NTM: variants seen among roughly 807,000 people sequenced by gnomAD.
The protein encoded by NTM is neurotrimin, also known as IgLON family member 2.
A neutral mutation model predicts 42.1 loss-of-function variants in NTM; 13 were observed. That is an observed-to-expected ratio of 0.31 (90% confidence interval 0.20 to 0.49). The LOEUF (loss-of-function observed/expected upper bound fraction) is 0.49, where lower values mean the gene tolerates loss of function less well. Ranked by LOEUF, NTM falls within the 20% of genes least tolerant of loss-of-function variation. NTM has a pLI of 0.99. For missense variants in NTM, 373 were observed against 452.8 expected (o/e 0.82, Z 1.60); for synonymous variants, 187 against 179.2 (o/e 1.04, Z -0.35).
chr11:131,915,912 T>C (rs942157381), intron 2 of NTM, among the ~76,000 whole-genome samples: 7 of 152,200 alleles, frequency 4.6e-5, no homozygotes, highest in African/African-American at 1.7e-4. Context: ...TTATGGGAGC[T>C]ACAATTCAAG....
chr11:132,330,639 T>C lies in NTM; in HGVS notation c.967+454T>C, dbSNP rs564348916. On this transcript the variant is annotated intron_variant, in intron 8 of 8. Coordinates refer to ENST00000683400, the MANE Select transcript of NTM (RefSeq NM_001352005.2). ...GAAGATGGGAGGAAGGGGGAGGTTC[T>C]TGGGTGAGTCACTTGGCTACGAATA... is the stretch of plus-strand genomic sequence containing the variant. 2.6e-5 allele frequency among the ~76,000 whole-genome samples: 4 copies of C among 152,322 alleles called. No individual in the cohort carries two copies. In the South Asian group the frequency reaches 8.3e-4, roughly 32 times the overall value.
intron 1 of NTM, among the ~76,000 whole-genome samples, chr11:131,601,952 G>C (rs1306720549): frequency 6.6e-6 from 1 of 152,048 alleles, no homozygotes; most frequent in Admixed American, 6.5e-5. Flanking sequence ...ACCTAAACAG[G>C]GTGCCATATG....
chr11:132,222,724 A>G (rs1376309315), intron 4 of NTM, among the ~76,000 whole-genome samples: 5 of 151,972 alleles, frequency 3.3e-5, no homozygotes, highest in Non-Finnish European at 5.9e-5. Flanking sequence ...ATTCTACCCA[A>G]CAGTGGTGGG....
At chr11:131,474,158 G>A (rs1420424614) in intron 1 of NTM, among the ~76,000 whole-genome samples, 2 of 152,054 alleles carry the variant, frequency 1.3e-5, no homozygotes, top group African/African-American at 4.8e-5. Flanking sequence ...ATGACCTCCT[G>A]TCCAGCAAAA....
At chr11:131,728,894 A>G (rs1289832097) in intron 1 of NTM, among the ~76,000 whole-genome samples, 1 of 152,176 alleles carries the variant, frequency 6.6e-6, no homozygotes, top group Non-Finnish European at 1.5e-5. Context: ...ACAAAAAGAC[A>G]CCATTTTGGA....
chr11:131,718,370 A>G (rs1340567611), intron 1 of NTM, among the ~76,000 whole-genome samples: 1 of 152,154 alleles, frequency 6.6e-6, no homozygotes, highest in Admixed American at 6.5e-5. Context: ...ACTTTTTTCT[A>G]CAAATTCAAT....
At chr11:131,699,884 A>C (rs1436402720) in intron 1 of NTM, among the ~76,000 whole-genome samples, 1 of 150,310 alleles carries the variant, frequency 6.7e-6, no homozygotes, top group Non-Finnish European at 1.5e-5. Flanking sequence ...GACACAGTCA[A>C]ACCATATCAC....
chr11:131,391,665 A>G (rs34961382), intron 1 of NTM, among the ~76,000 whole-genome samples: 1 of 141,318 alleles, frequency 7.1e-6, no homozygotes, highest in Non-Finnish European at 1.6e-5. Flanking sequence ...AAAAAAAAAG[A>G]AAAGAAAAGA....
At chr11:131,582,755 T>C (rs951100) in intron 1 of NTM, among the ~76,000 whole-genome samples, 129 of 152,276 alleles carry the variant, frequency 8.5e-4, no homozygotes, top group African/African-American at 3.1e-3. Flanking sequence ...GTCCATTACT[T>C]TTCTGTTAGA....
At chr11:132,144,377 G>T (rs1380620073) in intron 2 of NTM, among the ~76,000 whole-genome samples, 1 of 152,182 alleles carries the variant, frequency 6.6e-6, no homozygotes, top group African/African-American at 2.4e-5. Flanking sequence ...AGAAACATGT[G>T]GAGCTGGCTT....
chr11:132,069,974 A>C (rs71485730), intron 2 of NTM, among the ~76,000 whole-genome samples: 6 of 136,960 alleles, frequency 4.4e-5, no homozygotes, highest in African/African-American at 1.8e-4. Flanking sequence ...TAACACGTCA[A>C]ACTGACGATC....
In NTM at chr11:132,043,116, C is replaced by T. The variant is rs186667305; in HGVS notation, c.168-103166C>T. Among the ~76,000 whole-genome samples the T allele has an allele frequency of 9.8e-4, 150 of 152,290 alleles. 1 individual carries two copies. Among genetic ancestry groups the T allele is most frequent in the African/African-American group, 3.4e-3 (140 of 41,560 alleles). ...AATTGAGGAATCCTATTCCATCATT[C>T]TAATGGCCAAGGGATGGGTAGAAGA... On this transcript the variant is annotated intron_variant, in intron 2 of 8. Coordinates refer to ENST00000683400, the MANE Select transcript of NTM (RefSeq NM_001352005.2).
At chr11:132,082,641 G>A (rs1313238262) in intron 2 of NTM, among the ~76,000 whole-genome samples, 1 of 152,180 alleles carries the variant, frequency 6.6e-6, no homozygotes, top group African/African-American at 2.4e-5. Context: ...CTCCCTCTAT[G>A]ATTCCCCCAT....
At position 131,529,536 on chromosome 11, in the gene NTM, C is replaced by T. The variant is rs563347628; in HGVS notation, c.82+158648C>T. On this transcript the variant is annotated intron_variant, in intron 1 of 8. Coordinates refer to ENST00000683400, the MANE Select transcript of NTM (RefSeq NM_001352005.2). The stretch of plus-strand genomic sequence containing the variant: ...GCCCAAGGAAACCAAGAAGGGCCAC[C>T]GGAGTGTCAAGGCTCTCCAGGGAAA... 3.9e-4 allele frequency among the ~76,000 whole-genome samples: 59 copies of T among 152,262 alleles called. 1 individual carries two copies. Among genetic ancestry groups the T allele is most frequent in the Admixed American group, 1.5e-3 (23 of 15,298 alleles).
chr11:131,614,373 G>A (rs374743726), intron 1 of NTM, among the ~76,000 whole-genome samples: 4 of 152,354 alleles, frequency 2.6e-5, no homozygotes, highest in East Asian at 1.9e-4. Flanking sequence ...CACCCTGGCT[G>A]CAGCTCTGTT....
intron 1 of NTM, among the ~76,000 whole-genome samples, chr11:131,600,894 G>C (rs1012117401): frequency 2.0e-5 from 3 of 151,948 alleles, no homozygotes; most frequent in Admixed American, 6.6e-5. Flanking sequence ...GGTCTAATGA[G>C]AAACAGTTCC....
intron 1 of NTM, among the ~76,000 whole-genome samples, chr11:131,419,112 C>A (rs192775960): frequency 2.0e-5 from 3 of 152,052 alleles, no homozygotes; most frequent in African/African-American, 7.2e-5. Flanking sequence ...AAAAATGGCT[C>A]AGCCTACCAT....
intron 2 of NTM, among the ~76,000 whole-genome samples, chr11:132,123,797 G>A (rs1566224814): frequency 1.3e-5 from 2 of 152,078 alleles, no homozygotes; most frequent in Non-Finnish European, 1.5e-5. Flanking sequence ...CGCATGTGCC[G>A]GTTACTGACC....
At chr11:131,423,083 A>T (rs1410968343) in intron 1 of NTM, among the ~76,000 whole-genome samples, 1 of 152,224 alleles carries the variant, frequency 6.6e-6, no homozygotes, top group East Asian at 1.9e-4. Flanking sequence ...CTTTTTAGAA[A>T]GGCAGACTCT....
Sources: allele counts gnomAD v4.1 joint callset (sites outside exome capture counted in the v4.1 genomes callset), GRCh38; gene constraint gnomAD v4.1.1; transcripts MANE v1.5; gene names NCBI Gene and HGNC (gene_info 2026-07-23, HGNC 2026-07-21).